TRPM1: variants seen among roughly 807,000 people sequenced by gnomAD.
TRPM1 encodes TRPM1-203 APA Isoform, Intron 10.
A neutral mutation model predicts 149.4 loss-of-function variants in TRPM1; 113 were observed. The ratio of observed to expected loss-of-function variants is 0.76; its 90% confidence interval spans 0.65 to 0.88. The LOEUF (loss-of-function observed/expected upper bound fraction) is 0.88. Ranked by LOEUF, TRPM1 falls within the 40% of genes least tolerant of loss-of-function variation. TRPM1 has a pLI of 0.00. For synonymous variants in TRPM1, 741 were observed against 759.5 expected (o/e 0.98, Z 0.40); for missense variants, 1,976 against 2,038.7 (o/e 0.97, Z 0.59).
chr15:31,136,081 T>G (rs2036084638), intron 1 of TRPM1, among the ~76,000 whole-genome samples: 1 of 152,102 alleles, frequency 6.6e-6, no homozygotes, highest in Admixed American at 6.6e-5. Flanking sequence ...CGTTTTGGTC[T>G]GTGTGTGTAG....
At chr15:31,139,386 T>C (rs1013829931) in intron 1 of TRPM1, among the ~76,000 whole-genome samples, 2 of 152,212 alleles carry the variant, frequency 1.3e-5, no homozygotes, top group Non-Finnish European at 2.9e-5. Flanking sequence ...AGGACATTAA[T>C]AGTCTAAACA....
intron 27 of TRPM1, among the ~76,000 whole-genome samples, chr15:31,020,839 C>T (rs185066936): frequency 6.6e-5 from 10 of 152,188 alleles, no homozygotes; most frequent in South Asian, 2.1e-4. Context: ...AGGCTTAGCG[C>T]GCAGGCTAAA....
intron 14 of TRPM1, 122 bp downstream of exon 14, chr15:31,047,767 G>A: frequency 1.2e-6 from 1 of 850,766 alleles, no homozygotes; most frequent in Admixed American, 1.8e-5. Flanking sequence ...CTTTACGAAA[G>A]AAGGAATTCA....
chr15:31,076,033 C>T (rs1359358734), intron 3 of TRPM1, among the ~76,000 whole-genome samples: 2 of 152,100 alleles, frequency 1.3e-5, no homozygotes, highest in Non-Finnish European at 2.9e-5. Flanking sequence ...CCAGGATGGC[C>T]TATGTGCCAT....
chr15:31,124,681 C>T (rs2035922943), intron 1 of TRPM1, among the ~76,000 whole-genome samples: 1 of 145,440 alleles, frequency 6.9e-6, no homozygotes, highest in Admixed American at 6.8e-5. Context: ...AAAAGTCAAT[C>T]TGAGAAGGCT....
intron 1 of TRPM1, among the ~76,000 whole-genome samples, chr15:31,146,618 T>C (rs2036227762): frequency 6.6e-6 from 1 of 152,228 alleles, no homozygotes. Flanking sequence ...TGAAATAACC[T>C]GATATTAACC....
At chr15:31,053,417 AT>A (rs376760976) in intron 11 of TRPM1, among the ~76,000 whole-genome samples, 201 of 140,352 alleles carry the variant, frequency 1.4e-3, no homozygotes, top group African/African-American at 3.8e-3. Context: ...CTCCCGGCTC[AT>A]TTTTTTTTTT....
At chr15:31,121,976 A>C (rs2035887332) in intron 1 of TRPM1, among the ~76,000 whole-genome samples, 1 of 152,244 alleles carries the variant, frequency 6.6e-6, no homozygotes, top group African/African-American at 2.4e-5. Context: ...CAATACATAT[A>C]GTTATACACC....
At chr15:31,089,023 A>G (rs1161290788) in intron 1 of TRPM1, among the ~76,000 whole-genome samples, 5 of 152,156 alleles carry the variant, frequency 3.3e-5, no homozygotes, top group Non-Finnish European at 7.3e-5. Flanking sequence ...CAAGTGAGGC[A>G]CTCAAATGGG....
rs1567018945 is a variant in TRPM1 at position 31,049,481 on chromosome 15, T to G, written c.1466A>C (p.Asp489Ala). The G allele has an allele frequency of 1.9e-6, 3 of 1,613,932 alleles. No individual in the cohort carries two copies. The African/African-American group carries it at 4.0e-5, about 22-fold the overall frequency. Reference sequence around the variant, plus strand: ...GTCGACACGATCTAAGACTAAAGCATCTAGCATCGCTTGCTCCAAAGCATT... The same window carrying G: ...GTCGACACGATCTAAGACTAAAGCAGCTAGCATCGCTTGCTCCAAAGCATT... ...WVNALEQAML[D>A]ALVLDRVDFV... Residue 489 changes from aspartate (D) to alanine (A), a missense_variant, in exon 13 of 28, where the codon GAT becomes GCT. By Grantham distance (126) the Asp-to-Ala change is moderately radical. Transcript: ENST00000256552.
Position 31,040,071 on chromosome 15 carries a change from C to A in TRPM1, c.2316+47G>T, listed in dbSNP as rs374852498. ...TGCTCAGTTCAGCCTGGCAGAGAGT[C>A]ACTTGTCACTGTCACCCTGGCCCGC... is the stretch of plus-strand genomic sequence containing the variant. On this transcript the variant is annotated intron_variant, in intron 18 of 27. Coordinates refer to ENST00000256552, the MANE Select transcript of TRPM1 (RefSeq NM_001252024.2). The surrounding 1 kb of genome is among the most constrained non-coding windows in gnomAD (Gnocchi z 4.2). 4 of 1,554,460 alleles carry A rather than the reference C, an allele frequency of 2.6e-6. No homozygotes were observed. Among genetic ancestry groups the A allele is most frequent in the South Asian group, 2.2e-5 (2 of 89,912 alleles).
intron 11 of TRPM1, among the ~76,000 whole-genome samples, chr15:31,053,631 C>G (rs1337574006): frequency 1.3e-5 from 2 of 152,164 alleles, no homozygotes; most frequent in Admixed American, 6.5e-5. Context: ...AACTGGAACC[C>G]TGTGCACTGT....
intron 1 of TRPM1, among the ~76,000 whole-genome samples, chr15:31,151,034 G>A (rs758613708): frequency 2.0e-5 from 3 of 152,148 alleles, no homozygotes; most frequent in Admixed American, 6.5e-5. Context: ...TTGTAAAAGC[G>A]TTTGCATTCA....
chr15:31,137,538 G>A (rs1263583329), intron 1 of TRPM1, among the ~76,000 whole-genome samples: 1 of 152,174 alleles, frequency 6.6e-6, no homozygotes, highest in Admixed American at 6.5e-5. Context: ...TAGGCAGGGA[G>A]AATGGGATTA....
intron 1 of TRPM1, among the ~76,000 whole-genome samples, chr15:31,114,813 A>G (rs2035775068): frequency 6.6e-6 from 1 of 152,268 alleles, no homozygotes; most frequent in Admixed American, 6.5e-5. Context: ...GACTTAACAA[A>G]GAGCTTTCTT....
rs374801359 is a variant in TRPM1 at position 31,147,872 on chromosome 15, G to A, written c.54+13034C>T. On this transcript the variant is annotated intron_variant, in intron 1 of 26. Coordinates refer to the TRPM1 transcript ENST00000542188. The stretch of plus-strand genomic sequence containing the variant: ...CAGGGGTCCAGGTCCCCAGGGAGGT[G>A]GGCGGCTGCTGAACAGCCTGCCAAT... Among the ~76,000 whole-genome samples, 51 of 152,286 alleles carry A rather than the reference G, an allele frequency of 3.3e-4. No individual in the cohort carries two copies. The South Asian group carries it at 6.8e-3, about 20-fold the overall frequency.
intron 1 of TRPM1, among the ~76,000 whole-genome samples, chr15:31,111,903 A>C (rs990151999): frequency 3.6e-4 from 54 of 150,936 alleles, no homozygotes; most frequent in African/African-American, 9.1e-4. Flanking sequence ...CCACCCCCCC[A>C]AAAAAATTTG....
chr15:31,150,790 A>G (rs534320371), intron 1 of TRPM1, among the ~76,000 whole-genome samples: 2 of 152,304 alleles, frequency 1.3e-5, no homozygotes, highest in Admixed American at 6.5e-5. Flanking sequence ...GAACTTGCAC[A>G]GGGGAGTTGC....
chr15:31,114,053 A>G (rs1189155656), intron 1 of TRPM1, among the ~76,000 whole-genome samples: 3 of 152,124 alleles, frequency 2.0e-5, no homozygotes, highest in Non-Finnish European at 4.4e-5. Flanking sequence ...TGATTGGTGC[A>G]TTTACAATCC....
Sources: allele counts gnomAD v4.1 joint callset (sites outside exome capture counted in the v4.1 genomes callset), GRCh38; gene constraint gnomAD v4.1.1; non-coding constraint Gnocchi (gnomAD v3.1); transcripts MANE v1.5; gene names NCBI Gene and HGNC (gene_info 2026-07-23, HGNC 2026-07-21).